TBC1D7: variants seen among roughly 807,000 people sequenced by gnomAD.
TBC1D7 encodes TBC1 domain family member 7, also known as TBC domain family 7.
TBC1D7 carries 33 observed loss-of-function variants against 35.3 expected under a neutral mutation model. The observed-to-expected ratio is 0.93, with a 90% confidence interval of 0.71 to 1.25. The LOEUF is 1.25. Ranked by LOEUF, TBC1D7 falls within the 50% of genes most tolerant of loss-of-function variation. The probability of loss-of-function intolerance (pLI) is 0.00; values close to 1 mark genes in which losing one functional copy is unlikely to be tolerated. For missense variants in TBC1D7, 362 were observed against 365.3 expected (o/e 0.99, Z 0.07); for synonymous variants, 135 against 129.5 (o/e 1.04, Z -0.29).
At chr6:13,326,162 T>C (rs1784390601) in intron 2 of TBC1D7, among the ~76,000 whole-genome samples, 1 of 152,200 alleles carries the variant, frequency 6.6e-6, no homozygotes, top group Admixed American at 6.5e-5. Flanking sequence ...TCTTAGTATT[T>C]CCATAAAAGA....
intron 6 of TBC1D7, chr6:13,307,174 T>TA (rs1169593277): frequency 4.6e-5 from 8 of 175,168 alleles, no homozygotes; most frequent in African/African-American, 1.9e-4. Context: ...CACAAAGTCT[T>TA]AATGGGTGGC....
chr6:13,306,347 T>G, intron 7 of TBC1D7, 51 bp downstream of exon 7: 2 of 1,540,278 alleles, frequency 1.3e-6, no homozygotes, highest in Non-Finnish European at 1.7e-6. Flanking sequence ...AAATCTGACT[T>G]GCTAAGGTAA....
intron 2 of TBC1D7, among the ~76,000 whole-genome samples, chr6:13,326,534 T>C (rs1044067406): frequency 1.3e-5 from 2 of 150,656 alleles, no homozygotes; most frequent in Non-Finnish European, 3.0e-5. Flanking sequence ...ACCTAGATAA[T>C]ACATGAAAAC....
chr6:13,311,359 G>A (rs569403090), intron 5 of TBC1D7, among the ~76,000 whole-genome samples: 10 of 152,346 alleles, frequency 6.6e-5, no homozygotes, highest in South Asian at 2.1e-4. Context: ...GAGAGGCTAT[G>A]ATGCAATCCT....
At chr6:13,315,614 G>A (rs1180378385) in intron 5 of TBC1D7, among the ~76,000 whole-genome samples, 1 of 152,166 alleles carries the variant, frequency 6.6e-6, no homozygotes, top group Non-Finnish European at 1.5e-5. Context: ...TTACTTGGGA[G>A]GCTAAAGCAG....
intron 5 of TBC1D7, among the ~76,000 whole-genome samples, chr6:13,310,637 CAA>C (rs546122443): frequency 2.7e-4 from 20 of 72,956 alleles, no homozygotes; most frequent in East Asian, 3.3e-4. Flanking sequence ...GACTCCGTCT[CAA>C]AAAAAAAAAA....
At position 13,320,962 on chromosome 6, in the gene TBC1D7, G is replaced by A. The variant is rs1305457553; in HGVS notation, c.327C>T (p.Leu109=). 1.2e-6 allele frequency: 2 copies of A among 1,614,080 alleles called. No homozygotes were observed. The highest frequency in any genetic ancestry group is 1.3e-5 in the African/African-American group (1 of 74,928). Residue 109 remains leucine (L), a synonymous_variant, in exon 4 of 8, where the codon CTC becomes CTT. Coordinates refer to ENST00000379300, the MANE Select transcript of TBC1D7 (RefSeq NM_016495.6). Reference sequence around the variant, plus strand: ...TCCCAGACTCCAGCTGATACATGCGGAGATAGACTTCAGCCTGAGGTGTGG... The same window carrying A: ...TCCCAGACTCCAGCTGATACATGCGAAGATAGACTTCAGCCTGAGGTGTGG... The part of the protein sequence containing the change: ...SDATPQAEVY[L]RMYQLESGKL...
chr6:13,309,164 G>T (rs557763150), intron 5 of TBC1D7, among the ~76,000 whole-genome samples: 1 of 152,284 alleles, frequency 6.6e-6, no homozygotes, highest in East Asian at 1.9e-4. Flanking sequence ...AAGGAAATTT[G>T]GTTGGTTTTG....
chr6:13,309,291 C>G (rs574114122), intron 5 of TBC1D7, among the ~76,000 whole-genome samples: 1 of 152,124 alleles, frequency 6.6e-6, no homozygotes, highest in Non-Finnish European at 1.5e-5. Context: ...AAATAATAAA[C>G]AAGATGGAGA....
chr6:13,305,120 G>T lies in TBC1D7; in HGVS notation c.863C>A (p.Thr288Asn), dbSNP rs767782920. 6.2e-7 allele frequency: 1 copy of T among 1,613,480 alleles called. No homozygotes were observed. The highest frequency in any genetic ancestry group is 1.7e-5 in the Admixed American group (1 of 59,958). Residue 288 changes from threonine to asparagine, a missense_variant, in exon 8 of 8, where the codon ACC (threonine) becomes AAC (asparagine). Transcript: ENST00000379300. ...GTGCGTTCAGCTTGAATGGACCGGG[G>T]TCCCACAGTGTTTGTGCCACAAGTC... is the stretch of plus-strand genomic sequence containing the variant. ...AIDLWHKHCGTPVHSS is the reference protein window; with the variant it reads ...AIDLWHKHCGNPVHSS
intron 3 of TBC1D7, 25 bp downstream of exon 3, chr6:13,325,069 A>G: frequency 6.5e-7 from 1 of 1,545,266 alleles, no homozygotes; most frequent in Non-Finnish European, 8.9e-7. Context: ...TTTAAGATAA[A>G]TCTTCCAACT....
intron 5 of TBC1D7, among the ~76,000 whole-genome samples, chr6:13,312,124 C>T (rs1440063760): frequency 6.6e-6 from 1 of 152,162 alleles, no homozygotes; most frequent in Admixed American, 6.5e-5. Flanking sequence ...CTCTGTGCTT[C>T]AGTATCCTCA....
At chr6:13,306,638 T>G in intron 6 of TBC1D7, 111 bp from the exon 7 acceptor site, 1 of 862,406 alleles carries the variant, frequency 1.2e-6, no homozygotes, top group Non-Finnish European at 1.7e-6. Flanking sequence ...ATGTAAAAGC[T>G]TCAAAGAACA....
intron 5 of TBC1D7, among the ~76,000 whole-genome samples, chr6:13,309,928 A>C (rs1187111620): frequency 6.6e-6 from 1 of 152,254 alleles, no homozygotes; most frequent in Non-Finnish European, 1.5e-5. Context: ...ATATAAAAAC[A>C]TGCTCAACCT....
chr6:13,306,461 T>A lies in TBC1D7; in HGVS notation c.732A>T (p.Leu244Phe). 6.2e-7 allele frequency: 1 copy of A among 1,610,074 alleles called. No individual in the cohort carries two copies. The highest frequency in any genetic ancestry group is 8.5e-7 in the Non-Finnish European group (1 of 1,178,300). ...GTGCCATAACTTTTATTTTAAAGGTTAATAAAATTTCGACAGCTACAAAAA... is the reference window on the plus strand; with the variant it reads ...GTGCCATAACTTTTATTTTAAAGGTAAATAAAATTTCGACAGCTACAAAAA... Reference protein sequence around the residue: ...ILVFVAVEILLTFKIKVMALN... With the variant: ...ILVFVAVEILFTFKIKVMALN... The change falls in exon 7 of 8, where the codon TTA becomes TTT. Residue 244 changes from leucine (L) to phenylalanine (F), a missense_variant. Transcript: ENST00000379300.
rs1784558315 is a variant in TBC1D7 at position 13,328,505 on chromosome 6, C to CGCTGCCGCTGCCGCT, written c.-233_-219dup. 6.4e-6 allele frequency: 1 copy of CGCTGCCGCTGCCGCT among 156,128 alleles called. No individual in the cohort carries two copies. The highest frequency in any genetic ancestry group is 1.4e-5 in the Non-Finnish European group (1 of 70,316). 9.7% of individuals were successfully genotyped at this position (156,128 alleles called of 1,614,324 possible). On this transcript the variant is annotated 5_prime_UTR_variant, in exon 1 of 8. Transcript: ENST00000379300. ...CGGCCCGGGAGACAAAACTCAGCGCCGCTGCCGCTGCCGCTGCCGCCGCCG... is the reference window on the plus strand; with the variant it reads ...CGGCCCGGGAGACAAAACTCAGCGCCGCTGCCGCTGCCGCTGCTGCCGCTGCCGCTGCCGCCGCCG...
At chr6:13,324,618 C>G (rs546355277) in intron 3 of TBC1D7, among the ~76,000 whole-genome samples, 1 of 152,320 alleles carries the variant, frequency 6.6e-6, no homozygotes, top group Admixed American at 6.5e-5. Flanking sequence ...CACTCAGCCA[C>G]TCGCACCACT....
intron 5 of TBC1D7, 110 bp downstream of exon 5, chr6:13,316,461 A>G (rs936172734): frequency 8.4e-7 from 1 of 1,193,078 alleles, no homozygotes; most frequent in Non-Finnish European, 1.2e-6. Flanking sequence ...GAGTTCTACT[A>G]TAAAGGGTTA....
chr6:13,307,818 G>GA (rs1045240721), intron 5 of TBC1D7, 73 bp from the exon 6 acceptor site: 40 of 1,450,536 alleles, frequency 2.8e-5, no homozygotes, highest in Non-Finnish European at 3.2e-5. Context: ...AGTCTCTGAT[G>GA]AAAAAAAAGT....
Sources: allele counts gnomAD v4.1 joint callset (sites outside exome capture counted in the v4.1 genomes callset), GRCh38; gene constraint gnomAD v4.1.1; transcripts MANE v1.5; gene names NCBI Gene and HGNC (gene_info 2026-07-23, HGNC 2026-07-21).